The following DSCAM variants were observed in gnomAD, a reference collection of about 807,000 sequenced individuals.
DSCAM encodes the protein cell adhesion molecule DSCAM.
Under a neutral mutation model 217.7 loss-of-function variants are expected in DSCAM, and 47 were observed. That is an observed-to-expected ratio of 0.22 (90% CI 0.17 to 0.28). DSCAM has a LOEUF of 0.28. Ranked by LOEUF, DSCAM falls within the 10% of genes least tolerant of loss-of-function variation. DSCAM has a pLI of 1.00. For synonymous variants in DSCAM, 1,056 were observed against 1,015.3 expected, an observed-to-expected ratio of 1.04 and a Z score of -0.76; for missense variants, 2,080 against 2,618.3, an observed-to-expected ratio of 0.79 and a Z score of 4.49.
chr21:40,197,302 TA>T (rs1393889401), intron 11 of DSCAM, among the ~76,000 whole-genome samples: 2 of 152,018 alleles, frequency 1.3e-5, no homozygotes, highest in Non-Finnish European at 2.9e-5. Context: ...GTATTTTTAG[TA>T]GAGAGAGGGT....
chr21:40,163,707 C>A lies in DSCAM; in HGVS notation c.3018+3511G>T, dbSNP rs571403917. On this transcript the variant is annotated intron_variant, in intron 16 of 32. Coordinates refer to ENST00000400454, the MANE Select transcript of DSCAM (RefSeq NM_001389.5). ...TGGACCACTACTGCCCTTTACTTTTCAATAAACTATATTGAAAATTACCAT... is the reference window on the plus strand; with the variant it reads ...TGGACCACTACTGCCCTTTACTTTTAAATAAACTATATTGAAAATTACCAT... 2.6e-5 allele frequency among the ~76,000 whole-genome samples: 4 copies of A among 152,208 alleles called. No individual in the cohort carries two copies. The South Asian group carries it at 8.3e-4, about 32-fold the overall frequency.
intron 27 of DSCAM, among the ~76,000 whole-genome samples, chr21:40,065,888 C>A (rs1430397125): frequency 2.6e-5 from 4 of 152,208 alleles, no homozygotes; most frequent in Non-Finnish European, 5.9e-5. Flanking sequence ...CCCTCATTAG[C>A]ACAGAGAACC....
At chr21:40,239,532 A>G (rs1465044586) in intron 11 of DSCAM, among the ~76,000 whole-genome samples, 1 of 152,238 alleles carries the variant, frequency 6.6e-6, no homozygotes, top group Non-Finnish European at 1.5e-5. Flanking sequence ...AGAGGAAATA[A>G]AATGTAATGC....
chr21:40,628,648 T>G (rs977224971), intron 3 of DSCAM, among the ~76,000 whole-genome samples: 15 of 152,318 alleles, frequency 9.8e-5, no homozygotes, highest in African/African-American at 3.4e-4. Flanking sequence ...ACTCTTGAGT[T>G]AATAGATGAA....
Position 40,369,152 on chromosome 21 carries a change from T to C in DSCAM, c.602A>G (p.His201Arg), listed in dbSNP as rs2074866808. ...CTGCCTCGTCTCTCCGGTGTATCGA[T>C]GCCGCGTGATGCAGCGGTAGTTATA... ...GLYNYRCITRHRYTGETRQSN... is the reference protein window; with the variant it reads ...GLYNYRCITRRRYTGETRQSN... Residue 201 changes from histidine (H) to arginine (R), a missense_variant, in exon 4 of 33, where the codon CAT becomes CGT. Transcript: ENST00000400454. The C allele has an allele frequency of 6.2e-7, 1 of 1,613,492 alleles. No homozygotes were observed. Among genetic ancestry groups the C allele is most frequent in the Non-Finnish European group, 8.5e-7 (1 of 1,179,694 alleles).
chr21:40,257,619 T>C (rs1339016323), intron 11 of DSCAM, among the ~76,000 whole-genome samples: 3 of 152,124 alleles, frequency 2.0e-5, no homozygotes, highest in Admixed American at 1.3e-4. Context: ...GCAGAATGGA[T>C]TCATTTAGCA....
intron 3 of DSCAM, among the ~76,000 whole-genome samples, chr21:40,589,018 T>C (rs1179800158): frequency 6.6e-6 from 1 of 152,200 alleles, no homozygotes; most frequent in African/African-American, 2.4e-5. Flanking sequence ...TGGGGCAAGT[T>C]ATTTCCTGTG....
intron 3 of DSCAM, among the ~76,000 whole-genome samples, chr21:40,434,820 T>C (rs1406353687): frequency 1.3e-5 from 2 of 152,138 alleles, no homozygotes; most frequent in African/African-American, 2.4e-5. Context: ...AATCCAGATA[T>C]TGGGGAGAAT....
intron 16 of DSCAM, among the ~76,000 whole-genome samples, chr21:40,152,501 C>A (rs879338459): frequency 3.9e-5 from 6 of 152,224 alleles, no homozygotes; most frequent in Non-Finnish European, 7.3e-5. Context: ...CTCTCTCCCC[C>A]TTCCTAGCCT....
chr21:40,346,936 G>A (rs2074563993), intron 6 of DSCAM, among the ~76,000 whole-genome samples: 1 of 152,090 alleles, frequency 6.6e-6, no homozygotes, highest in Non-Finnish European at 1.5e-5. Flanking sequence ...AGACATTTTT[G>A]GTTGTAACAA....
chr21:40,810,702 A>G (rs544499936), intron 1 of DSCAM, among the ~76,000 whole-genome samples: 4 of 152,304 alleles, frequency 2.6e-5, no homozygotes, highest in East Asian at 3.9e-4. Context: ...AGAGCTCAAG[A>G]CCAGTCTGGG....
intron 3 of DSCAM, among the ~76,000 whole-genome samples, chr21:40,662,123 A>AAAACAAAC (rs201953664): frequency 7.7e-5 from 2 of 25,896 alleles, no homozygotes; most frequent in African/African-American, 1.2e-4. Flanking sequence ...TTACGTTGTT[A>AAAACAAAC]AAACAAACAA....
chr21:40,455,628 G>C (rs991719474), intron 3 of DSCAM, among the ~76,000 whole-genome samples: 3 of 152,088 alleles, frequency 2.0e-5, no homozygotes, highest in African/African-American at 7.2e-5. Flanking sequence ...CATTAGCTGG[G>C]CATGGTGGCA....
At chr21:40,578,752 A>C (rs921638082) in intron 3 of DSCAM, among the ~76,000 whole-genome samples, 6 of 152,180 alleles carry the variant, frequency 3.9e-5, no homozygotes, top group African/African-American at 1.2e-4. Flanking sequence ...ACAAGAACCC[A>C]TAGGAAGGAA....
At chr21:40,358,549 G>T (rs574813409) in intron 4 of DSCAM, among the ~76,000 whole-genome samples, 1 of 152,274 alleles carries the variant, frequency 6.6e-6, no homozygotes, top group Admixed American at 6.5e-5. Context: ...ACTCACGCCT[G>T]TAATCCCAGC....
At chr21:40,436,698 T>C (rs1408782857) in intron 3 of DSCAM, among the ~76,000 whole-genome samples, 2 of 152,132 alleles carry the variant, frequency 1.3e-5, no homozygotes, top group African/African-American at 2.4e-5. Context: ...CAAGTGAAAC[T>C]AGGCCGCCCT....
intron 11 of DSCAM, among the ~76,000 whole-genome samples, chr21:40,211,258 C>G (rs760451556): frequency 6.6e-5 from 10 of 152,194 alleles, no homozygotes; most frequent in Non-Finnish European, 1.3e-4. Context: ...ATTTTTCAAC[C>G]ATTCACCTGT....
Position 40,818,418 on chromosome 21 carries a change from C to T in DSCAM, c.43+28201G>A, listed in dbSNP as rs866661950. Among the ~76,000 whole-genome samples, 9 of 150,986 alleles carry T rather than the reference C, an allele frequency of 6.0e-5. No homozygotes were observed. The South Asian group carries it at 8.4e-4, about 14-fold the overall frequency. On this transcript the variant is annotated intron_variant, in intron 1 of 32. Coordinates refer to ENST00000400454, the MANE Select transcript of DSCAM (RefSeq NM_001389.5). ...AAAATTAGCTGGGTGTGGTGGCGGGCGCCTGTAGTCCCAGCTACCCAGGAG... is the reference window on the plus strand; with the variant it reads ...AAAATTAGCTGGGTGTGGTGGCGGGTGCCTGTAGTCCCAGCTACCCAGGAG...
intron 19 of DSCAM, among the ~76,000 whole-genome samples, chr21:40,129,619 A>T (rs1404126953): frequency 6.6e-6 from 1 of 152,160 alleles, no homozygotes; most frequent in African/African-American, 2.4e-5. Flanking sequence ...CTTCTAGGAC[A>T]TCTTGTCTGT....
Sources: allele counts gnomAD v4.1 joint callset (sites outside exome capture counted in the v4.1 genomes callset), GRCh38; gene constraint gnomAD v4.1.1; transcripts MANE v1.5; gene names NCBI Gene and HGNC (gene_info 2026-07-23, HGNC 2026-07-21).